The following RHOBTB1 variants were observed in gnomAD, a reference collection of about 807,000 sequenced individuals.
RHOBTB1 encodes Rho related BTB domain containing 1.
A neutral mutation model predicts 71.6 loss-of-function variants in RHOBTB1; 40 were observed. The ratio of observed to expected loss-of-function variants is 0.56; its 90% CI spans 0.43 to 0.73. The LOEUF is 0.73. Ranked by LOEUF, RHOBTB1 falls within the 30% of genes least tolerant of loss-of-function variation. The pLI, the probability that RHOBTB1 is intolerant of heterozygous loss-of-function variation, is 0.00. For synonymous variants in RHOBTB1, 319 were observed against 334.9 expected (o/e 0.95, Z 0.52); for missense variants, 797 against 894.0 (o/e 0.89, Z 1.38).
At chr10:60,959,403 G>C (rs1030188082) in intron 2 of RHOBTB1, among the ~76,000 whole-genome samples, 3 of 152,120 alleles carry the variant, frequency 2.0e-5, no homozygotes, top group African/African-American at 7.2e-5. Context: ...TGATTGCCAA[G>C]TGAGCAATAG....
chr10:60,985,360 T>A (rs1452678583), intron 2 of RHOBTB1, among the ~76,000 whole-genome samples: 1 of 152,192 alleles, frequency 6.6e-6, no homozygotes, highest in African/African-American at 2.4e-5. Flanking sequence ...CTAGTTCTAA[T>A]AAGATTTTCT....
At chr10:60,917,500 C>G (rs927302793) in intron 2 of RHOBTB1, among the ~76,000 whole-genome samples, 2 of 152,152 alleles carry the variant, frequency 1.3e-5, no homozygotes, top group African/African-American at 4.8e-5. Context: ...GCTGGTGTGG[C>G]TAGGTTCTGG....
Position 60,871,257 on chromosome 10 carries a change from T to G in RHOBTB1, c.*225A>C. On this transcript the variant is annotated 3_prime_UTR_variant, in exon 11 of 11. Transcript: ENST00000337910. ...AACAAAAAAAATATACATATCAGTTTAAGGAATGCAGTGAGAGTCAGCTTC... is the reference window on the plus strand; with the variant it reads ...AACAAAAAAAATATACATATCAGTTGAAGGAATGCAGTGAGAGTCAGCTTC... 1 of 456,174 alleles carries G rather than the reference T, an allele frequency of 2.2e-6. No individual in the cohort carries two copies. The highest frequency in any genetic ancestry group is 3.8e-6 in the Non-Finnish European group (1 of 261,090). The allele number at this position is 456,174 out of a possible 1,614,324, so 28.3% of individuals were successfully genotyped here.
chr10:60,912,145 T>G (rs2083009494), intron 2 of RHOBTB1, among the ~76,000 whole-genome samples: 1 of 152,094 alleles, frequency 6.6e-6, no homozygotes, highest in African/African-American at 2.4e-5. Flanking sequence ...TTAATCAAAT[T>G]AACTTATATT....
chr10:60,878,162 G>T, intron 7 of RHOBTB1, 104 bp from the exon 8 acceptor site: 1 of 868,360 alleles, frequency 1.2e-6, no homozygotes, highest in Non-Finnish European at 1.8e-6. Context: ...TGATATTGGT[G>T]AGTGTTGGAC....
upstream of RHOBTB1, chr10:61,001,488 C>G (rs2087271965): frequency 6.6e-6 from 1 of 151,428 alleles, no homozygotes; most frequent in Non-Finnish European, 1.5e-5. Context: ...GGGACAGCGC[C>G]GACCCCGCCC....
At chr10:60,954,449 T>C (rs2085518552) in intron 2 of RHOBTB1, among the ~76,000 whole-genome samples, 1 of 152,244 alleles carries the variant, frequency 6.6e-6, no homozygotes, top group South Asian at 2.1e-4. Context: ...GTTCTTTTTA[T>C]TAAATTAAAC....
intron 9 of RHOBTB1, among the ~76,000 whole-genome samples, chr10:60,874,262 C>T (rs2080937940): frequency 6.6e-6 from 1 of 152,204 alleles, no homozygotes; most frequent in Non-Finnish European, 1.5e-5. Context: ...CTAGATAATT[C>T]TGCAGATGTG....
At chr10:60,920,375 TG>T (rs1156532885) in intron 2 of RHOBTB1, among the ~76,000 whole-genome samples, 1 of 151,408 alleles carries the variant, frequency 6.6e-6, no homozygotes, top group Non-Finnish European at 1.5e-5. Context: ...GCAGACTGGG[TG>T]ACCTGTCTGA....
At chr10:60,866,985 C>A (rs1243433397), downstream of RHOBTB1, among the ~76,000 whole-genome samples, 2 of 152,064 alleles carry the variant, frequency 1.3e-5, no homozygotes, top group African/African-American at 4.8e-5. Context: ...AAACCAAGGT[C>A]AAAAATGCTG....
the RHOBTB1 span, among the ~76,000 whole-genome samples, chr10:60,861,144 T>TTCAGATGAAAG: frequency 2.0e-5 from 3 of 152,138 alleles, no homozygotes; most frequent in African/African-American, 7.2e-5. Context: ...ACCGGTTACC[T>TTCAGATGAAAG]CCCTGCAAAA....
At position 60,929,385 on chromosome 10, in the gene RHOBTB1, T is replaced by C. The variant is rs1589338663; in HGVS notation, c.-11+12419A>G. On this transcript the variant is annotated intron_variant, in intron 2 of 10. Coordinates refer to ENST00000337910, the MANE Select transcript of RHOBTB1 (RefSeq NM_014836.5). ...ACATTTCTGACTTGGGCCAAATTGA[T>C]ATTTATACGAAAGCAACATAAAGTT... 2.0e-5 allele frequency among the ~76,000 whole-genome samples: 3 copies of C among 152,254 alleles called. No homozygotes were observed. The East Asian group carries it at 5.8e-4, about 29-fold the overall frequency.
At chr10:60,944,980 A>T (rs949711028), upstream of RHOBTB1, among the ~76,000 whole-genome samples, 1 of 152,126 alleles carries the variant, frequency 6.6e-6, no homozygotes, top group African/African-American at 2.4e-5. Flanking sequence ...TTGGTCTTCC[A>T]AGACAGCCCA....
At chr10:60,955,271 G>A (rs1410675503) in intron 2 of RHOBTB1, among the ~76,000 whole-genome samples, 1 of 151,948 alleles carries the variant, frequency 6.6e-6, no homozygotes, top group Non-Finnish European at 1.5e-5. Flanking sequence ...TTGAACTCCT[G>A]ATCTCGTGAT....
chr10:60,897,698 CATACAT>C (rs1554835285), intron 4 of RHOBTB1, among the ~76,000 whole-genome samples: 1 of 152,066 alleles, frequency 6.6e-6, no homozygotes. Context: ...CTAACAATTA[CATACAT>C]ATACATATAA....
intron 7 of RHOBTB1, among the ~76,000 whole-genome samples, chr10:60,879,803 AAC>A (rs778847569): frequency 7.3e-5 from 11 of 151,648 alleles, no homozygotes; most frequent in East Asian, 1.9e-4. Context: ...CTTGCACACA[AAC>A]ACACACACAC....
chr10:60,986,136 C>A (rs1250706383), intron 1 of RHOBTB1, among the ~76,000 whole-genome samples: 4 of 152,000 alleles, frequency 2.6e-5, no homozygotes, highest in Non-Finnish European at 4.4e-5. Context: ...TGACTACTGC[C>A]TTTGGAGACA....
intron 2 of RHOBTB1, among the ~76,000 whole-genome samples, chr10:60,976,149 G>A (rs1158412472): frequency 1.3e-5 from 2 of 151,954 alleles, no homozygotes; most frequent in Non-Finnish European, 2.9e-5. Context: ...ACTAGGAAAA[G>A]CCCAGGGGTA....
At chr10:60,917,892 C>A (rs1295897093) in intron 2 of RHOBTB1, among the ~76,000 whole-genome samples, 1 of 152,180 alleles carries the variant, frequency 6.6e-6, no homozygotes, top group Non-Finnish European at 1.5e-5. Flanking sequence ...TCCTAACTAA[C>A]CCTCCACCTC....
Sources: gnomAD v4.1 joint callset for allele counts (sites outside exome capture counted in the v4.1 genomes callset) on GRCh38, gnomAD v4.1.1 for gene constraint, MANE v1.5 for transcripts, NCBI Gene and HGNC (gene_info 2026-07-23, HGNC 2026-07-21) for gene names.